Variants in KDM4B observed in about 807,000 individuals in gnomAD.
The protein encoded by KDM4B is lysine-specific demethylase 4B.
In KDM4B, 32 loss-of-function variants were observed where a neutral mutation model predicts 125.2. The observed-to-expected ratio is 0.26, with a 90% confidence interval of 0.19 to 0.34. KDM4B has a LOEUF of 0.34. Ranked by LOEUF, KDM4B falls within the 10% of genes least tolerant of loss-of-function variation. The pLI, the probability that KDM4B is intolerant of heterozygous loss-of-function variation, is 1.00. For missense variants in KDM4B, 1,190 were observed against 1,577.7 expected (o/e 0.75, Z 4.16); for synonymous variants, 721 against 677.9 (o/e 1.06, Z -0.99).
intron 1 of KDM4B, among the ~76,000 whole-genome samples, chr19:4,970,674 T>C (rs76652419): frequency 2.7e-5 from 4 of 146,112 alleles, no homozygotes; most frequent in Non-Finnish European, 6.2e-5. Flanking sequence ...TCTCCAATAA[T>C]AGCTTCCTTA....
intron 1 of KDM4B, among the ~76,000 whole-genome samples, chr19:4,999,686 C>T (rs2035306758): frequency 1.3e-5 from 2 of 151,582 alleles, no homozygotes; most frequent in Admixed American, 1.3e-4. Flanking sequence ...CCCACCCATC[C>T]ACCCATTTAC....
Position 5,114,356 on chromosome 19 carries a change from T to TGCTCTGCCTTG in KDM4B, c.1115+3541_1115+3551dup. ...GAGCTCGGTGCTGCCTGTCCCCTCC[T>TGCTCTGCCTTG]GCTCTGCCTTGGCCTGTCGCCCCTG... On this transcript the variant is annotated intron_variant, in intron 10 of 22. Transcript: ENST00000159111. This position sits in a 1 kb window ranked among gnomAD's most constrained non-coding sequence, Gnocchi z 5.8. 1 of 682,070 alleles carries TGCTCTGCCTTG rather than the reference T, an allele frequency of 1.5e-6. No homozygotes were observed. Among genetic ancestry groups the TGCTCTGCCTTG allele is most frequent in the Non-Finnish European group, 2.3e-6 (1 of 433,768 alleles). 42.3% of individuals were successfully genotyped at this position (682,070 alleles called of 1,614,324 possible).
chr19:4,979,754 A>T (rs531620906), intron 1 of KDM4B, among the ~76,000 whole-genome samples: 5 of 152,346 alleles, frequency 3.3e-5, no homozygotes, highest in African/African-American at 4.8e-5. Flanking sequence ...CATTTTAAAA[A>T]ATATATATTT....
chr19:4,970,361 G>A (rs1037930184), intron 1 of KDM4B, among the ~76,000 whole-genome samples: 14 of 152,236 alleles, frequency 9.2e-5, no homozygotes, highest in African/African-American at 2.7e-4. Flanking sequence ...TCAGCTCCGT[G>A]GAGCCTAGTG....
chr19:5,068,789 T>G (rs978246094), intron 6 of KDM4B, among the ~76,000 whole-genome samples: 3 of 152,248 alleles, frequency 2.0e-5, no homozygotes, highest in African/African-American at 7.2e-5. Flanking sequence ...TGGGCCTGCG[T>G]CCCGCAGTCT....
rs926562127 is a variant in KDM4B at position 5,105,471 on chromosome 19, C to T, written c.919-5151C>T. 5.3e-5 allele frequency among the ~76,000 whole-genome samples: 8 copies of T among 152,326 alleles called. No individual in the cohort carries two copies. The South Asian group carries it at 1.0e-3, about 20-fold the overall frequency. On this transcript the variant is annotated intron_variant, in intron 9 of 22. Transcript: ENST00000159111. ...CTTTTGAGACAGGGTCTCAGTCTGT[C>T]GCCCGGGCTGGAGTGCTGTGGCATG...
chr19:4,989,789 A>C (rs2034974474), intron 1 of KDM4B, among the ~76,000 whole-genome samples: 2 of 152,076 alleles, frequency 1.3e-5, no homozygotes, highest in African/African-American at 4.8e-5. Flanking sequence ...AGTAGCTGTG[A>C]TTACAGGCAT....
At chr19:4,999,415 A>T (rs756346277) in intron 1 of KDM4B, among the ~76,000 whole-genome samples, 10 of 151,910 alleles carry the variant, frequency 6.6e-5, no homozygotes, top group Non-Finnish European at 1.5e-4. Context: ...AGTCTCCCTC[A>T]TGGTCGATCC....
chr19:5,095,832 G>A (rs562100499), intron 9 of KDM4B, among the ~76,000 whole-genome samples: 1 of 152,344 alleles, frequency 6.6e-6, no homozygotes, highest in East Asian at 1.9e-4. Flanking sequence ...GCTTGAGTGT[G>A]TGCAGCACTT....
At chr19:5,119,345 G>A (rs531219239) in intron 10 of KDM4B, 20 of 700,156 alleles carry the variant, frequency 2.9e-5, no homozygotes, top group African/African-American at 1.4e-4. Context: ...CGTCCCGCCC[G>A]TCATCCCACC....
At chr19:5,079,211 G>A (rs1460452286) in intron 8 of KDM4B, 1 of 152,166 alleles carries the variant, frequency 6.6e-6, no homozygotes, top group Non-Finnish European at 1.5e-5. Context: ...AGCTCGCAGA[G>A]GAAACCGAGT....
At chr19:5,146,533 C>T (rs993295159) in intron 21 of KDM4B, among the ~76,000 whole-genome samples, 1 of 152,196 alleles carries the variant, frequency 6.6e-6, no homozygotes, top group African/African-American at 2.4e-5. Flanking sequence ...TAGGCTTAGA[C>T]CAAGGGCAAG....
chr19:5,047,329 A>T (rs1394303513), intron 5 of KDM4B, 147 bp from the exon 6 acceptor site: 15 of 679,110 alleles, frequency 2.2e-5, no homozygotes, highest in Non-Finnish European at 3.4e-5. Flanking sequence ...GCAGGGTATG[A>T]CCGGCCCCTG....
intron 7 of KDM4B, 114 bp from the exon 8 acceptor site, chr19:5,077,253 C>A (rs1050418948): frequency 1.2e-6 from 1 of 848,478 alleles, no homozygotes; most frequent in African/African-American, 1.7e-5. Context: ...GCTCTGTGCT[C>A]CCACACGCCC....
chr19:5,015,769 G>A (rs746965677), intron 1 of KDM4B, among the ~76,000 whole-genome samples: 4 of 152,340 alleles, frequency 2.6e-5, no homozygotes, highest in East Asian at 1.9e-4. Flanking sequence ...GTATCTGAGC[G>A]TCTTTGTGTC....
chr19:5,014,059 G>A (rs2035814069), intron 1 of KDM4B, among the ~76,000 whole-genome samples: 1 of 152,266 alleles, frequency 6.6e-6, no homozygotes, highest in South Asian at 2.1e-4. Context: ...TCGGGTGAAT[G>A]AGCCGTGCCC....
intron 1 of KDM4B, among the ~76,000 whole-genome samples, chr19:4,983,917 G>C (rs529894658): frequency 1.1e-4 from 17 of 152,286 alleles, no homozygotes; most frequent in African/African-American, 3.6e-4. Context: ...TTTCCAAAGT[G>C]GGGGTGGCTC....
chr19:5,118,990 C>T, intron 10 of KDM4B: 4 of 628,588 alleles, frequency 6.4e-6, no homozygotes, highest in South Asian at 5.8e-5. Flanking sequence ...GCTGGGGCTC[C>T]CATGCACCTC....
At chr19:5,056,607 T>C (rs980428067) in intron 6 of KDM4B, among the ~76,000 whole-genome samples, 5 of 152,182 alleles carry the variant, frequency 3.3e-5, no homozygotes, top group African/African-American at 1.2e-4. Flanking sequence ...GGTTTCACCA[T>C]GTTGGCTAGG....
Sources: gnomAD v4.1 joint callset for allele counts (sites outside exome capture counted in the v4.1 genomes callset) on GRCh38, gnomAD v4.1.1 for gene constraint, Gnocchi (gnomAD v3.1) non-coding constraint, MANE v1.5 for transcripts, NCBI Gene and HGNC (gene_info 2026-07-23, HGNC 2026-07-21) for gene names.